The following BAIAP3 variants were observed in gnomAD, a reference collection of about 807,000 sequenced individuals.
The protein encoded by BAIAP3 is BAI1 associated protein 3, also known as BAI1-associated protein 3.
In BAIAP3, 180 loss-of-function variants were observed where a neutral mutation model predicts 149.7. The ratio of observed to expected loss-of-function variants is 1.20; its 90% CI spans 1.07 to 1.36. The LOEUF (loss-of-function observed/expected upper bound fraction) is 1.36, where lower values mean the gene tolerates loss of function less well. Ranked by LOEUF, BAIAP3 falls within the 40% of genes most tolerant of loss-of-function variation. The probability of loss-of-function intolerance (pLI) is 0.00; values close to 1 mark genes in which losing one functional copy is unlikely to be tolerated. For missense variants in BAIAP3, 1,767 were observed against 1,563.4 expected, an observed-to-expected ratio of 1.13 and a Z score of -2.20; for synonymous variants, 845 against 670.7, an observed-to-expected ratio of 1.26 and a Z score of -4.02.
At position 1,346,003 on chromosome 16, in the gene BAIAP3, C is replaced by T. The variant is rs765931546; in HGVS notation, c.2226C>T (p.Thr742=). The change falls in exon 24 of 34, where the codon ACC becomes ACT. Residue 742 remains threonine, a synonymous_variant. Coordinates refer to ENST00000426824, the MANE Select transcript of BAIAP3 (RefSeq NM_001199097.2). ...TQLGQDVCEA[T]LFYTELLRKK... ...CTCCTCAGGACGTGTGTGAGGCCAC[C>T]CTCTTCTATACGGAGCTGCTTCGGA... The T allele has an allele frequency of 3.1e-6, 5 of 1,609,360 alleles. No individual in the cohort carries two copies. The highest frequency in any genetic ancestry group is 1.7e-4 in the Middle Eastern group (1 of 6,050).
intron 17 of BAIAP3, 74 bp from the exon 18 acceptor site, chr16:1,344,395 T>G: frequency 6.2e-7 from 1 of 1,609,866 alleles, no homozygotes; most frequent in South Asian, 1.1e-5. Context: ...CCTGCACCTC[T>G]GCACCACGGT....
In BAIAP3 at chr16:1,339,535, T is replaced by G; in HGVS notation, c.340T>G (p.Tyr114Asp). The G allele has an allele frequency of 1.2e-6, 2 of 1,612,590 alleles. No individual in the cohort carries two copies. The highest frequency in any genetic ancestry group is 1.7e-6 in the Non-Finnish European group (2 of 1,179,740). The change falls in exon 5 of 34, where the codon TAC becomes GAC. Residue 114 changes from tyrosine (Y) to aspartate (D), a missense_variant. Transcript: ENST00000426824. ...CGAGGAGGCCCTGTACACGGTGCTTTACCGCGCGGGTACCATGGGCCCTGA... is the reference window on the plus strand; with the variant it reads ...CGAGGAGGCCCTGTACACGGTGCTTGACCGCGCGGGTACCATGGGCCCTGA... Reference protein sequence around the residue: ...LYEEALYTVLYRAGTMGPDQV... With the variant: ...LYEEALYTVLDRAGTMGPDQV...
intron 14 of BAIAP3, 53 bp downstream of exon 14, chr16:1,343,069 T>G: frequency 2.8e-5 from 35 of 1,241,424 alleles, no homozygotes; most frequent in Non-Finnish European, 3.5e-5. Flanking sequence ...CGTGAGCGAG[T>G]GGGGCATCGG....
chr16:1,339,570 C>A lies in BAIAP3; in HGVS notation c.375C>A (p.Asp125Glu). Residue 125 changes from aspartate to glutamate, a missense_variant, in exon 5 of 34, where the codon GAC becomes GAA. Transcript: ENST00000426824. ...GTACCATGGGCCCTGACCAGGTGGA[C>A]GACGAGGAGGCCCTGCTCAGCTATC... The part of the protein sequence containing the change: ...RAGTMGPDQV[D>E]DEEALLSYLQ... 1 of 1,612,588 alleles carries A rather than the reference C, an allele frequency of 6.2e-7. No individual in the cohort carries two copies. The highest frequency in any genetic ancestry group is 8.5e-7 in the Non-Finnish European group (1 of 1,179,804).
rs761063151 is a variant in BAIAP3, at chr16:1,339,004, C to T, written c.219+15C>T. The T allele has an allele frequency of 3.9e-5, 63 of 1,612,270 alleles. No homozygotes were observed. Among genetic ancestry groups the T allele is most frequent in the Non-Finnish European group, 3.8e-5 (45 of 1,179,642 alleles). Reference sequence around the variant, plus strand: ...CGTGCCTCGAGGTAAGGGTGCCACCCCCAGGGCCCGATACCACAGCCCAGC... The same window carrying T: ...CGTGCCTCGAGGTAAGGGTGCCACCTCCAGGGCCCGATACCACAGCCCAGC... On this transcript the variant is annotated intron_variant, in intron 3 of 33. Transcript: ENST00000426824.
Position 1,344,986 on chromosome 16 carries a change from G to A in BAIAP3, c.1827G>A (p.Trp609Ter). ...CCGGACAGGTGGCTGAGGAGGCGTG[G>A]GTGCTGACGGAGGAGCTGAGCCCCA... ...QLERLVAEEA[W>*]VLTEELSPKM... Residue 609 changes from tryptophan (W) to a stop codon, truncating the protein, a stop_gained, in exon 21 of 34, where the codon TGG becomes TGA. Transcript: ENST00000426824. LOFTEE classifies it high-confidence loss of function. 7 of 1,612,962 alleles carry A rather than the reference G, an allele frequency of 4.3e-6. No individual in the cohort carries two copies. Among genetic ancestry groups the A allele is most frequent in the Non-Finnish European group, 5.9e-6 (7 of 1,180,018 alleles).
In BAIAP3 at chr16:1,349,251, C is replaced by G. The variant is rs1207634221; in HGVS notation, c.*769C>G. ...GACTCACAAGGGGCTTCTTGGCCTG[C>G]AGCTTCATTTGCGAGAGCGCCGAGG... On this transcript the variant is annotated 3_prime_UTR_variant, in exon 34 of 34. Transcript: ENST00000426824. 2 of 694,090 alleles carry G rather than the reference C, an allele frequency of 2.9e-6. No individual in the cohort carries two copies. Among genetic ancestry groups the G allele is most frequent in the Non-Finnish European group, 5.1e-6 (2 of 395,398 alleles). The allele number at this position is 694,090 out of a possible 1,614,324, so 43.0% of individuals were successfully genotyped here. A position where few individuals can be genotyped will look rare whatever the true frequency, so the allele number is the denominator to read the frequency against.
chr16:1,343,325 T>C, intron 14 of BAIAP3, 68 bp from the exon 15 acceptor site: 1 of 1,543,830 alleles, frequency 6.5e-7, no homozygotes. Flanking sequence ...GGTAGTGCTG[T>C]AGGCGGTGCT....
chr16:1,348,727 C>G lies in BAIAP3; in HGVS notation c.*245C>G. The stretch of plus-strand genomic sequence containing the variant: ...TTGGCAGGACTTGGCCAGCAGCTGC[C>G]CAGGACACAGTGCAGGCCAGAGCGG... On this transcript the variant is annotated 3_prime_UTR_variant, in exon 34 of 34. Transcript: ENST00000426824. 1.7e-6 allele frequency: 1 copy of G among 582,388 alleles called. No individual in the cohort carries two copies. The allele number at this position is 582,388 out of a possible 1,614,324, so 36.1% of individuals were successfully genotyped here. A position where few individuals can be genotyped will look rare whatever the true frequency, so the allele number is the denominator to read the frequency against.
In BAIAP3 at chr16:1,349,339, G is replaced by T; in HGVS notation, c.*857G>T. 1 of 1,377,576 alleles carries T rather than the reference G, an allele frequency of 7.3e-7. No individual in the cohort carries two copies. The highest frequency in any genetic ancestry group is 1.0e-6 in the Non-Finnish European group (1 of 966,526). 85.3% of individuals were successfully genotyped at this position (1,377,576 alleles called of 1,614,324 possible). On this transcript the variant is annotated 3_prime_UTR_variant, in exon 34 of 34. Coordinates refer to ENST00000426824, the MANE Select transcript of BAIAP3 (RefSeq NM_001199097.2). ...GAACCCGGACAGCTCAGTCCTGCCAGCAGCCGCAAAGAGCCGAGGCTGCCA... is the reference window on the plus strand; with the variant it reads ...GAACCCGGACAGCTCAGTCCTGCCATCAGCCGCAAAGAGCCGAGGCTGCCA...
chr16:1,349,385 G>GTCTC lies in BAIAP3; in HGVS notation c.*905_*908dup. The GTCTC allele has an allele frequency of 3.7e-6, 6 of 1,605,630 alleles. No homozygotes were observed. Among genetic ancestry groups the GTCTC allele is most frequent in the Non-Finnish European group, 5.1e-6 (6 of 1,173,008 alleles). ...TGCCAGGCCCATTTATGTCCCTCATGTCTCTAGATTTTCTCGTCACCCAGC... is the reference window on the plus strand; with the variant it reads ...TGCCAGGCCCATTTATGTCCCTCATGTCTCTCTCTAGATTTTCTCGTCACCCAGC... On this transcript the variant is annotated 3_prime_UTR_variant, in exon 34 of 34. Coordinates refer to ENST00000426824, the MANE Select transcript of BAIAP3 (RefSeq NM_001199097.2).
rs751510452 is a variant in BAIAP3, at chr16:1,344,835, C to T, written c.1795C>T (p.Gln599Ter). ...GGACGTCTTCACCCTGACCTTCCGG[C>T]AGCTGGAGCGTCTGGTGAGGAGGGT... is the stretch of plus-strand genomic sequence containing the variant. ...NVDVFTLTFR[Q>*]LERLVAEEAW... Residue 599 changes from glutamine (Q) to a stop codon, truncating the protein, a stop_gained, in exon 20 of 34, where the codon CAG becomes TAG. Coordinates refer to ENST00000426824, the MANE Select transcript of BAIAP3 (RefSeq NM_001199097.2). LOFTEE classifies it high-confidence loss of function. 6.2e-7 allele frequency: 1 copy of T among 1,613,830 alleles called. No homozygotes were observed. Among genetic ancestry groups the T allele is most frequent in the South Asian group, 1.1e-5 (1 of 91,090 alleles).
intron 5 of BAIAP3, among the ~76,000 whole-genome samples, 197 bp from the exon 6 acceptor site, chr16:1,340,724 AT>A (rs760369307): frequency 6.6e-5 from 10 of 152,136 alleles, no homozygotes; most frequent in Non-Finnish European, 1.2e-4. Flanking sequence ...CGTGGCCCTC[AT>A]CACACCCACC....
Position 1,346,652 on chromosome 16 carries a change from G to A in BAIAP3, c.2610G>A (p.Leu870=), listed in dbSNP as rs1189724867. The A allele has an allele frequency of 1.6e-6, 2 of 1,288,834 alleles. No homozygotes were observed. The highest frequency in any genetic ancestry group is 2.5e-5 in the South Asian group (2 of 80,560). 79.8% of individuals were successfully genotyped at this position (1,288,834 alleles called of 1,614,324 possible). The change falls in exon 27 of 34, where the codon CTG becomes CTA. Residue 870 remains leucine (L), a synonymous_variant. Transcript: ENST00000426824. ...MKYLDEKLAL[L]NASLVKGNLS... Reference sequence around the variant, plus strand: ...ACCTGGATGAGAAGCTGGCCCTGCTGAACGCCTCGCTGGTGAAGGGGAACC... The same window carrying A: ...ACCTGGATGAGAAGCTGGCCCTGCTAAACGCCTCGCTGGTGAAGGGGAACC...
In BAIAP3 at chr16:1,344,484, T is replaced by G. The variant is rs1161531255; in HGVS notation, c.1618T>G (p.Trp540Gly). ...TCTGTTGCAGAGAGGCAACCGTGAG[T>G]GGTACGACAGGATCCTGAATGACAA... Reference protein sequence around the residue: ...AAALKRGNREWYDRILNDKSP... With the variant: ...AAALKRGNREGYDRILNDKSP... The change falls in exon 18 of 34, where the codon TGG becomes GGG. Residue 540 changes from tryptophan (W) to glycine (G), a missense_variant. Transcript: ENST00000426824. 6.2e-7 allele frequency: 1 copy of G among 1,613,120 alleles called. No individual in the cohort carries two copies. The highest frequency in any genetic ancestry group is 1.3e-5 in the African/African-American group (1 of 74,924).
Position 1,344,334 on chromosome 16 carries a change from A to G in BAIAP3, c.1602+17A>G. The G allele has an allele frequency of 6.2e-7, 1 of 1,613,586 alleles. No individual in the cohort carries two copies. Among genetic ancestry groups the G allele is most frequent in the South Asian group, 1.1e-5 (1 of 91,078 alleles). On this transcript the variant is annotated intron_variant, in intron 17 of 33. Transcript: ENST00000426824. ...GCCCTGAAGGTGTGTTCCAAAGCCC[A>G]GTGGAGGCCGGCTGCTAAGCCCTCC...
intron 28 of BAIAP3, 26 bp downstream of exon 28, chr16:1,346,981 C>T (rs200140358): frequency 4.9e-5 from 77 of 1,556,308 alleles, no homozygotes; most frequent in Non-Finnish European, 6.2e-5. Flanking sequence ...GGAGTCCTCC[C>T]CGCCGGCCCC....
chr16:1,344,439 A>G lies in BAIAP3; in HGVS notation c.1603-30A>G, dbSNP rs202034454. 1.5e-3 allele frequency: 2,439 copies of G among 1,608,410 alleles called. 3 individuals carry two copies. Among genetic ancestry groups the G allele is most frequent in the Non-Finnish European group, 1.9e-3 (2,223 of 1,178,152 alleles). On this transcript the variant is annotated intron_variant, in intron 17 of 33. Coordinates refer to ENST00000426824, the MANE Select transcript of BAIAP3 (RefSeq NM_001199097.2). ...CACCTCTTCCTCTTCCCTGCAATCCACCATGCTGTCTTGGTGGTGTCTGTT... is the reference window on the plus strand; with the variant it reads ...CACCTCTTCCTCTTCCCTGCAATCCGCCATGCTGTCTTGGTGGTGTCTGTT...
At chr16:1,334,789 C>T (rs756402728) in intron 1 of BAIAP3, 10 of 1,534,948 alleles carry the variant, frequency 6.5e-6, no homozygotes, top group Middle Eastern at 3.5e-4. Flanking sequence ...GCGGGAAACC[C>T]CCAGGGCCTG....
Sources: gnomAD v4.1 joint callset for allele counts (sites outside exome capture counted in the v4.1 genomes callset) on GRCh38, gnomAD v4.1.1 for gene constraint, MANE v1.5 for transcripts, NCBI Gene and HGNC (gene_info 2026-07-23, HGNC 2026-07-21) for gene names.